The following CDYL2 variants were observed in gnomAD, a reference collection of about 807,000 sequenced individuals.
The protein encoded by CDYL2 is chromodomain Y-like protein 2.
A neutral mutation model predicts 49.4 loss-of-function variants in CDYL2; 23 were observed. That is an observed-to-expected ratio of 0.47 (90% CI 0.34 to 0.66). CDYL2 has a LOEUF of 0.66. Ranked by LOEUF, CDYL2 falls within the 30% of genes least tolerant of loss-of-function variation. CDYL2 has a pLI of 0.01. For missense variants in CDYL2, 678 were observed against 656.4 expected (o/e 1.03, Z -0.36); for synonymous variants, 360 against 268.8 (o/e 1.34, Z -3.32).
At chr16:80,630,399 T>A (rs796066811) in intron 3 of CDYL2, among the ~76,000 whole-genome samples, 2 of 152,330 alleles carry the variant, frequency 1.3e-5, no homozygotes, top group African/African-American at 4.8e-5. Flanking sequence ...AGACTTCACA[T>A]GTGTTCAATT....
chr16:80,739,412 G>A (rs1312815830), intron 1 of CDYL2, among the ~76,000 whole-genome samples: 1 of 152,156 alleles, frequency 6.6e-6, no homozygotes, highest in East Asian at 1.9e-4. Flanking sequence ...TAAATTTTAT[G>A]TTATATGTAT....
chr16:80,609,304 C>T (rs1046947541), intron 5 of CDYL2, among the ~76,000 whole-genome samples: 2 of 152,174 alleles, frequency 1.3e-5, no homozygotes, highest in African/African-American at 4.8e-5. Context: ...AACGCCTTCC[C>T]CACCTGCTCT....
In CDYL2 at chr16:80,804,221, C is replaced by T; in HGVS notation, c.-48G>A. 7.5e-7 allele frequency: 1 copy of T among 1,339,520 alleles called. No individual in the cohort carries two copies. Among genetic ancestry groups the T allele is most frequent in the Non-Finnish European group, 9.8e-7 (1 of 1,018,008 alleles). The allele number at this position is 1,339,520 out of a possible 1,614,324, so 83.0% of individuals were successfully genotyped here. A position where few individuals can be genotyped will look rare whatever the true frequency, so the allele number is the denominator to read the frequency against. On this transcript the variant is annotated 5_prime_UTR_variant, in exon 1 of 7. Transcript: ENST00000570137. ...GCCGGTGTGCGCGTCTGCTCGCTCG[C>T]GCCCTCCGTGCGTGTGCGCGCGGGG...
chr16:80,679,628 C>T (rs1909894655), intron 2 of CDYL2: 2 of 452,268 alleles, frequency 4.4e-6, no homozygotes, highest in Non-Finnish European at 8.9e-6. Flanking sequence ...TACTCTAAAA[C>T]TTTCAACCTT....
intron 2 of CDYL2, among the ~76,000 whole-genome samples, chr16:80,678,349 C>T (rs1023731410): frequency 2.4e-4 from 36 of 152,030 alleles, no homozygotes; most frequent in African/African-American, 5.8e-4. Context: ...AGAAAATTTT[C>T]GCAACCTACT....
intron 1 of CDYL2, among the ~76,000 whole-genome samples, chr16:80,789,738 G>C (rs1907550280): frequency 1.3e-5 from 2 of 152,130 alleles, no homozygotes; most frequent in South Asian, 4.1e-4. Flanking sequence ...ATTAAAAAAA[G>C]AATGAAATCA....
chr16:80,669,309 G>C (rs931413840), intron 2 of CDYL2, among the ~76,000 whole-genome samples: 1 of 151,982 alleles, frequency 6.6e-6, no homozygotes, highest in African/African-American at 2.4e-5. Flanking sequence ...ACGATATATT[G>C]ACCCCCAAGG....
At chr16:80,613,124 T>G (rs888424862) in intron 4 of CDYL2, among the ~76,000 whole-genome samples, 1 of 152,082 alleles carries the variant, frequency 6.6e-6, no homozygotes, top group Non-Finnish European at 1.5e-5. Context: ...AAGCCATAGC[T>G]TACACAGTAA....
At chr16:80,727,355 G>A (rs898437270) in intron 1 of CDYL2, among the ~76,000 whole-genome samples, 2 of 152,178 alleles carry the variant, frequency 1.3e-5, no homozygotes, top group Admixed American at 6.5e-5. Context: ...CTGGAAAATC[G>A]GGTCACTCCC....
chr16:80,801,768 C>T (rs569119588), intron 1 of CDYL2, among the ~76,000 whole-genome samples: 1 of 151,666 alleles, frequency 6.6e-6, no homozygotes, highest in Non-Finnish European at 1.5e-5. Context: ...TTTTTACCCA[C>T]ATAACAACTT....
intron 1 of CDYL2, among the ~76,000 whole-genome samples, chr16:80,759,749 TAAC>T (rs1472910419): frequency 2.6e-5 from 4 of 152,152 alleles, no homozygotes; most frequent in South Asian, 2.1e-4. Context: ...CACGACTGCA[TAAC>T]AACAACACAT....
At chr16:80,634,109 A>G (rs1486216838) in intron 2 of CDYL2, among the ~76,000 whole-genome samples, 1 of 152,116 alleles carries the variant, frequency 6.6e-6, no homozygotes, top group Non-Finnish European at 1.5e-5. Context: ...GAGAGAGGGA[A>G]GGAAGACACA....
chr16:80,718,383 C>T (rs758723197), intron 1 of CDYL2, among the ~76,000 whole-genome samples: 2 of 152,132 alleles, frequency 1.3e-5, no homozygotes, highest in Admixed American at 1.3e-4. Context: ...CCCATTTAAT[C>T]CTCACATCAA....
At chr16:80,710,117 G>T (rs187338429) in intron 1 of CDYL2, among the ~76,000 whole-genome samples, 1 of 151,994 alleles carries the variant, frequency 6.6e-6, no homozygotes, top group Non-Finnish European at 1.5e-5. Flanking sequence ...TAGTACAGAC[G>T]GGGATTTCGC....
chr16:80,748,021 T>G (rs1047046286), intron 1 of CDYL2, among the ~76,000 whole-genome samples: 2 of 151,806 alleles, frequency 1.3e-5, no homozygotes, highest in African/African-American at 4.8e-5. Flanking sequence ...CAGTGAACTC[T>G]GTGACTCCAG....
intron 1 of CDYL2, among the ~76,000 whole-genome samples, chr16:80,757,692 C>T (rs1036021544): frequency 1.3e-5 from 2 of 151,254 alleles, no homozygotes; most frequent in Non-Finnish European, 2.9e-5. Flanking sequence ...AAGGTATATT[C>T]ATAATAACAA....
At position 80,757,547 on chromosome 16, in the gene CDYL2, A is replaced by AT. The variant is rs904058290; in HGVS notation, c.24+46602_24+46603insA. 5.0e-3 allele frequency among the ~76,000 whole-genome samples: 726 copies of AT among 145,072 alleles called. 2 individuals are homozygous for AT. The highest frequency in any genetic ancestry group is 7.4e-3 in the Non-Finnish European group (497 of 67,578). On this transcript the variant is annotated intron_variant, in intron 1 of 6. Transcript: ENST00000570137. ...GAGCAAGACTCTGTCTCAAAAAAAA[A>AT]AAAAAAATATATATATATATACACA...
chr16:80,775,888 C>T (rs1907066379), intron 1 of CDYL2, among the ~76,000 whole-genome samples: 2 of 151,206 alleles, frequency 1.3e-5, no homozygotes, highest in Admixed American at 1.3e-4. Flanking sequence ...AAATAAATAT[C>T]AACTTTTGTG....
chr16:80,609,984 T>G (rs1234664695), intron 5 of CDYL2, among the ~76,000 whole-genome samples: 2 of 152,108 alleles, frequency 1.3e-5, no homozygotes, highest in South Asian at 2.1e-4. Context: ...GGAGGCATCA[T>G]GACAGCACCA....
Sources: allele counts gnomAD v4.1 joint callset (sites outside exome capture counted in the v4.1 genomes callset), GRCh38; gene constraint gnomAD v4.1.1; transcripts MANE v1.5; gene names NCBI Gene and HGNC (gene_info 2026-07-23, HGNC 2026-07-21).